The following HOMER2 variants were observed in gnomAD, a reference collection of about 807,000 sequenced individuals.
HOMER2 encodes homer protein homolog 2.
Under a neutral mutation model 47.0 loss-of-function variants are expected in HOMER2, and 27 were observed. That is an observed-to-expected ratio of 0.57 (90% CI 0.42 to 0.79). HOMER2 has a LOEUF of 0.79. Ranked by LOEUF, HOMER2 falls within the 30% of genes least tolerant of loss-of-function variation. The pLI is 0.00. For missense variants in HOMER2, 443 were observed against 435.0 expected, an observed-to-expected ratio of 1.02 and a Z score of -0.16; for synonymous variants, 161 against 163.8, an observed-to-expected ratio of 0.98 and a Z score of 0.13.
In HOMER2 at chr15:82,941,076, G is replaced by T. The variant is rs535657386; in HGVS notation, c.5+11455C>A. On this transcript the variant is annotated intron_variant, in intron 1 of 8. Coordinates refer to ENST00000450735, the MANE Select transcript of HOMER2 (RefSeq NM_004839.4). ...TTCTCTCTCTATCCCTTCAGTTCTT[G>T]CCTGGAGTGTGACCAGTTCCTATGA... Among the ~76,000 whole-genome samples the T allele has an allele frequency of 7.9e-5, 12 of 152,074 alleles. No individual in the cohort carries two copies. The East Asian group carries it at 2.1e-3, about 27-fold the overall frequency.
chr15:82,875,672 C>G (rs971555095), intron 2 of HOMER2, among the ~76,000 whole-genome samples: 3 of 152,212 alleles, frequency 2.0e-5, no homozygotes, highest in Non-Finnish European at 4.4e-5. Flanking sequence ...GGGAGAAAGT[C>G]TCTCCTAAAC....
At chr15:82,843,543 A>G (rs1219028144) in exon 2 of HOMER2, 1 of 150,668 alleles carries the variant, frequency 6.6e-6, no homozygotes, top group East Asian at 1.9e-4. Context: ...AAAGTAACAG[A>G]TAAACTTGAC....
At chr15:82,919,617 T>TACCAATTACTGGACCAGTACCAATTACTG (rs1567054476) in intron 1 of HOMER2, among the ~76,000 whole-genome samples, 1 of 152,248 alleles carries the variant, frequency 6.6e-6, no homozygotes, top group Admixed American at 6.5e-5. Flanking sequence ...GAACGTCCAG[T>TACCAATTACTGGACCAGTACCAATTACTG]ACCAGGAAGA....
At chr15:82,855,372 G>C (rs545931367) in intron 5 of HOMER2, among the ~76,000 whole-genome samples, 17 of 143,384 alleles carry the variant, frequency 1.2e-4, no homozygotes, top group Middle Eastern at 3.6e-3. Flanking sequence ...CTTCACGAAT[G>C]AAGAGACAAA....
rs746938279 is a variant in HOMER2 at position 82,851,189 on chromosome 15, G to A, written c.805C>T (p.Leu269Phe). The stretch of plus-strand genomic sequence containing the variant: ...GAGACATATTCGCACTCTGACATGA[G>A]CTGAGGTATGATTTCACTTTGTTTT... ...LRKQSEIIPQLMSECEYVSEK... is the reference protein window; with the variant it reads ...LRKQSEIIPQFMSECEYVSEK... The change falls in exon 8 of 9, where the codon CTC (leucine) becomes TTC (phenylalanine). Residue 269 changes from leucine to phenylalanine, a missense_variant. Physicochemically the swap from Leu to Phe is conservative, Grantham distance 22. Transcript: ENST00000450735. The A allele has an allele frequency of 1.3e-6, 2 of 1,573,438 alleles. No homozygotes were observed. Among genetic ancestry groups the A allele is most frequent in the Admixed American group, 1.8e-5 (1 of 54,126 alleles).
intron 1 of HOMER2, among the ~76,000 whole-genome samples, chr15:82,978,133 G>A (rs1368636613): frequency 6.6e-6 from 1 of 152,162 alleles, no homozygotes; most frequent in African/African-American, 2.4e-5. Flanking sequence ...CTGGGCAACA[G>A]AGGGAGACCC....
At chr15:82,986,059 T>G (rs1369082428), upstream of HOMER2, 1 of 985,416 alleles carries the variant, frequency 1.0e-6, no homozygotes, top group East Asian at 1.1e-4. Context: ...CATCCACCTT[T>G]AGACAGCTAC....
chr15:82,849,689 G>C lies in HOMER2; in HGVS notation c.*26C>G, dbSNP rs779001466. 1 of 1,601,630 alleles carries C rather than the reference G, an allele frequency of 6.2e-7. No individual in the cohort carries two copies. Among genetic ancestry groups the C allele is most frequent in the Non-Finnish European group, 8.5e-7 (1 of 1,173,672 alleles). On this transcript the variant is annotated 3_prime_UTR_variant, in exon 9 of 9. Coordinates refer to ENST00000450735, the MANE Select transcript of HOMER2 (RefSeq NM_004839.4). ...TCTCGCACACACGCTTGGGACTCAC[G>C]GGCGGGGCCTGGGCCTCGGCCAGCC...
intron 1 of HOMER2, among the ~76,000 whole-genome samples, chr15:82,943,236 G>C (rs2054302549): frequency 6.6e-6 from 1 of 152,216 alleles, no homozygotes; most frequent in Non-Finnish European, 1.5e-5. Context: ...AGCTTAGAGA[G>C]AGAAAATATG....
intron 1 of HOMER2, among the ~76,000 whole-genome samples, chr15:82,973,538 G>A (rs1800483484): frequency 6.6e-6 from 1 of 152,078 alleles, no homozygotes; most frequent in Non-Finnish European, 1.5e-5. Flanking sequence ...TAACATGGTT[G>A]TTTTCATAGG....
intron 1 of HOMER2, among the ~76,000 whole-genome samples, chr15:82,942,240 ACT>A (rs1184355730): frequency 1.3e-5 from 2 of 152,130 alleles, no homozygotes; most frequent in African/African-American, 2.4e-5. Context: ...GAAGGCAGGG[ACT>A]CTGTCTTACG....
intron 3 of HOMER2, among the ~76,000 whole-genome samples, chr15:82,874,278 C>T (rs1031058740): frequency 2.1e-4 from 32 of 152,342 alleles, no homozygotes; most frequent in African/African-American, 7.2e-4. Flanking sequence ...TGGCCCTTCC[C>T]TGGGTTTGCA....
rs1471368659 is a variant in HOMER2, at chr15:82,936,950, T to C, written c.5+15581A>G. 5.3e-5 allele frequency among the ~76,000 whole-genome samples: 8 copies of C among 152,178 alleles called. No individual in the cohort carries two copies. In the East Asian group the frequency reaches 1.5e-3, roughly 29 times the overall value. ...ATAACTTCATATTATAATTAAATGT[T>C]TTATGTGCTAAACAATATAGAGGGG... On this transcript the variant is annotated intron_variant, in intron 1 of 8. Transcript: ENST00000450735.
chr15:82,955,421 G>T (rs1003613892), upstream of HOMER2, among the ~76,000 whole-genome samples: 1 of 146,882 alleles, frequency 6.8e-6, no homozygotes, highest in Non-Finnish European at 1.5e-5. Flanking sequence ...CGCCTGCCTC[G>T]GCCTCCCAAA....
chr15:82,845,426 G>A (rs1047552018), downstream of HOMER2: 8 of 152,162 alleles, frequency 5.3e-5, no homozygotes, highest in Non-Finnish European at 1.0e-4. Context: ...TTCTAGACTA[G>A]ACAGGAGTCC....
At position 82,849,667 on chromosome 15, in the gene HOMER2, C is replaced by T. The variant is rs370317385; in HGVS notation, c.*48G>A. 3.0e-5 allele frequency: 46 copies of T among 1,540,770 alleles called. No individual in the cohort carries two copies. Among genetic ancestry groups the T allele is most frequent in the African/African-American group, 2.7e-4 (20 of 73,302 alleles). On this transcript the variant is annotated 3_prime_UTR_variant, in exon 9 of 9. Coordinates refer to ENST00000450735, the MANE Select transcript of HOMER2 (RefSeq NM_004839.4). Reference sequence around the variant, plus strand: ...AGAACGTCCTAGAGCTATCTGGTCTCGCACACACGCTTGGGACTCACGGGC... The same window carrying T: ...AGAACGTCCTAGAGCTATCTGGTCTTGCACACACGCTTGGGACTCACGGGC...
intron 1 of HOMER2, among the ~76,000 whole-genome samples, chr15:82,907,424 A>G (rs2053319169): frequency 6.6e-6 from 1 of 150,608 alleles, no homozygotes; most frequent in African/African-American, 2.5e-5. Flanking sequence ...AAAGAAAGAA[A>G]GAGAAGGAAA....
chr15:82,948,327 CT>C (rs1337601658), intron 1 of HOMER2, among the ~76,000 whole-genome samples: 1 of 146,622 alleles, frequency 6.8e-6, no homozygotes, highest in Non-Finnish European at 1.5e-5. Context: ...GGAGGCGGAG[CT>C]TGCAGTGAGC....
intron 5 of HOMER2, among the ~76,000 whole-genome samples, chr15:82,856,300 A>G (rs780433044): frequency 2.6e-5 from 4 of 152,094 alleles, no homozygotes; most frequent in Non-Finnish European, 5.9e-5. Context: ...CAGGCAGCCC[A>G]CTGTGACTTA....
Sources: gnomAD v4.1 joint callset for allele counts (sites outside exome capture counted in the v4.1 genomes callset) on GRCh38, gnomAD v4.1.1 for gene constraint, MANE v1.5 for transcripts, NCBI Gene and HGNC (gene_info 2026-07-23, HGNC 2026-07-21) for gene names.